Variants in TRPM3 observed in about 807,000 individuals in gnomAD.
The protein encoded by TRPM3 is transient receptor potential cation channel subfamily M member 3.
In TRPM3, 77 loss-of-function variants were observed where a neutral mutation model predicts 181.2. The ratio of observed to expected loss-of-function variants is 0.42; its 90% CI spans 0.35 to 0.51. The LOEUF is 0.51. Among genes scored for constraint, TRPM3 ranks in the 20% least tolerant of loss-of-function variants. The pLI, the probability that TRPM3 is intolerant of heterozygous loss-of-function variation, is 0.01. For missense variants in TRPM3, 1,759 were observed against 2,196.7 expected, an observed-to-expected ratio of 0.80 and a Z score of 3.98; for synonymous variants, 745 against 796.4, an observed-to-expected ratio of 0.94 and a Z score of 1.09.
At chr9:70,867,807 T>C (rs1287096793) in intron 1 of TRPM3, among the ~76,000 whole-genome samples, 1 of 152,098 alleles carries the variant, frequency 6.6e-6, no homozygotes. Flanking sequence ...GAACATCATA[T>C]ATTAGATTTT....
At chr9:70,629,375 G>T (rs1438201596) in intron 12 of TRPM3, among the ~76,000 whole-genome samples, 2 of 151,814 alleles carry the variant, frequency 1.3e-5, no homozygotes, top group African/African-American at 4.8e-5. Flanking sequence ...CACTCTTGTC[G>T]CCCAGGCTGG....
chr9:71,134,612 G>C (rs914331053), intron 1 of TRPM3, among the ~76,000 whole-genome samples: 2 of 144,448 alleles, frequency 1.4e-5, no homozygotes, highest in African/African-American at 5.1e-5. Context: ...ATAAATTAAA[G>C]AATCCAAATG....
chr9:71,307,767 A>C (rs1400972485), intron 1 of TRPM3, among the ~76,000 whole-genome samples: 1 of 152,148 alleles, frequency 6.6e-6, no homozygotes, highest in Non-Finnish European at 1.5e-5. Flanking sequence ...ATCTCAGCAA[A>C]GTTTTACAGA....
chr9:70,560,234 A>G (rs944909244), intron 22 of TRPM3, among the ~76,000 whole-genome samples: 36 of 152,212 alleles, frequency 2.4e-4, no homozygotes, highest in African/African-American at 8.4e-4. Flanking sequence ...ATAAGGGGAT[A>G]ATGCCAGAAC....
intron 6 of TRPM3, among the ~76,000 whole-genome samples, chr9:70,809,711 C>T (rs1741725974): frequency 6.6e-6 from 1 of 152,170 alleles, no homozygotes; most frequent in African/African-American, 2.4e-5. Flanking sequence ...CATCGTTAAG[C>T]AATGCATGAC....
chr9:70,846,723 G>A (rs182032943), intron 3 of TRPM3, 132 bp from the exon 4 acceptor site: 2 of 677,638 alleles, frequency 3.0e-6, no homozygotes, highest in African/African-American at 1.8e-5. Context: ...TTTTTAAAAG[G>A]GGTGATCATT....
intron 1 of TRPM3, among the ~76,000 whole-genome samples, chr9:71,005,088 A>G (rs2097659306): frequency 6.6e-6 from 1 of 152,178 alleles, no homozygotes; most frequent in Non-Finnish European, 1.5e-5. Context: ...AAAATTCACC[A>G]TATCTACAGA....
chr9:71,416,268 C>A (rs1024585367), intron 1 of TRPM3, among the ~76,000 whole-genome samples: 3 of 151,736 alleles, frequency 2.0e-5, no homozygotes, highest in Non-Finnish European at 2.9e-5. Context: ...TTTTTCCTTA[C>A]AAATTTTATA....
intron 1 of TRPM3, among the ~76,000 whole-genome samples, chr9:70,948,754 T>C (rs1162113085): frequency 6.6e-6 from 1 of 152,196 alleles, no homozygotes; most frequent in East Asian, 1.9e-4. Flanking sequence ...CAAATGGTAG[T>C]CTTTAGCTTC....
At chr9:71,044,626 T>C (rs2059210682) in intron 1 of TRPM3, among the ~76,000 whole-genome samples, 1 of 152,228 alleles carries the variant, frequency 6.6e-6, no homozygotes, top group Non-Finnish European at 1.5e-5. Context: ...GCTTGACATT[T>C]AAGATGATCT....
intron 8 of TRPM3, among the ~76,000 whole-genome samples, chr9:70,753,720 G>A (rs1045590503): frequency 7.9e-5 from 12 of 152,174 alleles, no homozygotes; most frequent in African/African-American, 2.9e-4. Flanking sequence ...TGAATGAAGT[G>A]GTGGGAGGGG....
intron 1 of TRPM3, among the ~76,000 whole-genome samples, chr9:71,431,193 G>C (rs76880449): frequency 0.012 from 1,811 of 151,470 alleles, 19 homozygotes; most frequent in African/African-American, 0.02. Context: ...CACACACACA[G>C]AGAGAGAGAG....
intron 1 of TRPM3, among the ~76,000 whole-genome samples, chr9:71,060,680 C>T (rs897564279): frequency 6.6e-6 from 1 of 152,074 alleles, no homozygotes; most frequent in Non-Finnish European, 1.5e-5. Flanking sequence ...TGCTTGACTC[C>T]TTTCTATCCA....
At chr9:70,560,462 A>G (rs2048790494) in intron 22 of TRPM3, among the ~76,000 whole-genome samples, 1 of 152,186 alleles carries the variant, frequency 6.6e-6, no homozygotes, top group Non-Finnish European at 1.5e-5. Context: ...AGCTTTACGT[A>G]TATCACCTCA....
intron 22 of TRPM3, among the ~76,000 whole-genome samples, chr9:70,583,181 G>A (rs1564429472): frequency 6.6e-6 from 1 of 152,142 alleles, no homozygotes; most frequent in Non-Finnish European, 1.5e-5. Flanking sequence ...TTCAGAAGGG[G>A]CAACAGAAGG....
intron 19 of TRPM3, among the ~76,000 whole-genome samples, chr9:70,604,531 A>G (rs1260767239): frequency 2.0e-5 from 3 of 152,184 alleles, no homozygotes; most frequent in African/African-American, 7.2e-5. Flanking sequence ...GTGTGGGTGA[A>G]AGGATTGAGG....
chr9:71,242,341 A>G (rs541320700), intron 1 of TRPM3, among the ~76,000 whole-genome samples: 1 of 152,254 alleles, frequency 6.6e-6, no homozygotes, highest in South Asian at 2.1e-4. Context: ...GGAAATGTCT[A>G]ATTTCCCACA....
intron 9 of TRPM3, among the ~76,000 whole-genome samples, chr9:70,662,848 T>A (rs1340024650): frequency 6.6e-6 from 1 of 152,084 alleles, no homozygotes; most frequent in Non-Finnish European, 1.5e-5. Context: ...CTTAAAGAAC[T>A]AAAAGTAGAT....
At chr9:71,084,150 A>G (rs2064880634) in intron 1 of TRPM3, among the ~76,000 whole-genome samples, 2 of 151,884 alleles carry the variant, frequency 1.3e-5, no homozygotes, top group African/African-American at 4.8e-5. Flanking sequence ...CTTCCTGAAT[A>G]TTTCCTGTGA....
Sources: allele counts gnomAD v4.1 joint callset (sites outside exome capture counted in the v4.1 genomes callset), GRCh38; gene constraint gnomAD v4.1.1; transcripts MANE v1.5; gene names NCBI Gene and HGNC (gene_info 2026-07-23, HGNC 2026-07-21).